Variants in GRIK2 observed in about 807,000 individuals in gnomAD.
GRIK2 encodes the protein glutamate ionotropic receptor kainate type subunit 2, also known as glutamate receptor ionotropic, kainate 2.
GRIK2 carries 32 observed loss-of-function variants against 100.3 expected under a neutral mutation model. The ratio of observed to expected loss-of-function variants is 0.32; its 90% CI spans 0.24 to 0.43. GRIK2 has a LOEUF of 0.43. Among genes scored for constraint, GRIK2 ranks in the 20% least tolerant of loss-of-function variants. The pLI, the probability that GRIK2 is intolerant of heterozygous loss-of-function variation, is 1.00. For synonymous variants in GRIK2, 417 were observed against 389.4 expected (o/e 1.07, Z -0.83); for missense variants, 843 against 1,114.9 (o/e 0.76, Z 3.47).
At chr6:101,429,787 A>G (rs565581202) in intron 2 of GRIK2, among the ~76,000 whole-genome samples, 1 of 152,294 alleles carries the variant, frequency 6.6e-6, no homozygotes, top group African/African-American at 2.4e-5. Flanking sequence ...TAGAAAGCCA[A>G]AATTTGTTGT....
intron 7 of GRIK2, among the ~76,000 whole-genome samples, chr6:101,775,901 A>G (rs1778719682): frequency 6.6e-6 from 1 of 151,972 alleles, no homozygotes; most frequent in Non-Finnish European, 1.5e-5. Flanking sequence ...TTGGCTCACT[A>G]AAAATTCATA....
chr6:101,960,039 T>G (rs1291120182), intron 14 of GRIK2, among the ~76,000 whole-genome samples: 1 of 135,038 alleles, frequency 7.4e-6, no homozygotes, highest in Non-Finnish European at 1.5e-5. Context: ...CTCAAAGCCT[T>G]TTTTTAGTGT....
intron 2 of GRIK2, among the ~76,000 whole-genome samples, chr6:101,431,928 G>C (rs1374855311): frequency 6.6e-6 from 1 of 152,122 alleles, no homozygotes; most frequent in African/African-American, 2.4e-5. Flanking sequence ...AACACTCCAT[G>C]AGATGTGTTC....
At chr6:101,538,706 G>A (rs1029120411) in intron 2 of GRIK2, among the ~76,000 whole-genome samples, 1 of 151,424 alleles carries the variant, frequency 6.6e-6, no homozygotes, top group African/African-American at 2.4e-5. Context: ...CTTCACTGGG[G>A]TTAGTACTGC....
intron 14 of GRIK2, among the ~76,000 whole-genome samples, chr6:101,937,428 G>A (rs1790684854): frequency 6.6e-6 from 1 of 152,252 alleles, no homozygotes; most frequent in Non-Finnish European, 1.5e-5. Context: ...CATGTCAAGT[G>A]CTGGATAATG....
chr6:102,000,673 T>C (rs547740044), intron 14 of GRIK2, among the ~76,000 whole-genome samples: 2 of 152,266 alleles, frequency 1.3e-5, no homozygotes, highest in South Asian at 4.1e-4. Context: ...GGTTTAATGT[T>C]TTTTACAATG....
At chr6:101,791,325 G>C (rs1327529992) in intron 7 of GRIK2, among the ~76,000 whole-genome samples, 2 of 152,098 alleles carry the variant, frequency 1.3e-5, no homozygotes, top group Admixed American at 6.5e-5. Context: ...GATCTTTCCT[G>C]CTTTCTCTTG....
chr6:101,939,992 T>C (rs1291590277), intron 14 of GRIK2, among the ~76,000 whole-genome samples: 1 of 152,094 alleles, frequency 6.6e-6, no homozygotes, highest in Non-Finnish European at 1.5e-5. Flanking sequence ...GTGATAGTTA[T>C]GATGAGAGTT....
chr6:101,807,739 G>A (rs1781094740), intron 9 of GRIK2, among the ~76,000 whole-genome samples: 1 of 151,928 alleles, frequency 6.6e-6, no homozygotes, highest in African/African-American at 2.4e-5. Context: ...GAAACTGGAA[G>A]TAATAGGATG....
chr6:101,502,728 A>G (rs1773824704), intron 2 of GRIK2, among the ~76,000 whole-genome samples: 1 of 152,196 alleles, frequency 6.6e-6, no homozygotes, highest in Non-Finnish European at 1.5e-5. Context: ...GTTCCAATTC[A>G]GTGTGCGAAT....
At chr6:101,920,197 G>A (rs908393341) in intron 12 of GRIK2, among the ~76,000 whole-genome samples, 6 of 151,910 alleles carry the variant, frequency 3.9e-5, no homozygotes, top group Admixed American at 3.3e-4. Context: ...GGTTACACAA[G>A]TAGTGGTTAA....
At chr6:101,566,299 G>T (rs1777274066) in intron 2 of GRIK2, among the ~76,000 whole-genome samples, 1 of 151,864 alleles carries the variant, frequency 6.6e-6, no homozygotes, top group South Asian at 2.1e-4. Flanking sequence ...TCTTAAGTTT[G>T]ATCTGTTGGC....
chr6:102,035,380 AT>A lies in GRIK2; in HGVS notation c.2126del (p.Met709ArgfsTer28). The stretch of plus-strand genomic sequence containing the variant: ...CACGTATGACAAAATGTGGGCCTTT[AT>A]GAGTAGCAGAAGGCAGTCAGTGCTG... ...ISTYDKMWAF[M>X]SSRRQSVLVK... is the part of the protein sequence containing the mutation. On this transcript the variant is annotated frameshift_variant, in exon 15 of 17. Transcript: ENST00000369134. LOFTEE classifies it high-confidence loss of function. 1 of 1,607,426 alleles carries A rather than the reference AT, an allele frequency of 6.2e-7. No homozygotes were observed. Among genetic ancestry groups the A allele is most frequent in the Non-Finnish European group, 8.5e-7 (1 of 1,175,136 alleles).
chr6:102,001,185 A>ATTTTTT (rs66913053), intron 14 of GRIK2, among the ~76,000 whole-genome samples: 1 of 142,650 alleles, frequency 7.0e-6, no homozygotes, highest in Non-Finnish European at 1.5e-5. Context: ...CTTCTTCTTT[A>ATTTTTT]TTTTTTTTTT....
chr6:101,981,580 G>C (rs1228898860), intron 14 of GRIK2, among the ~76,000 whole-genome samples: 1 of 151,730 alleles, frequency 6.6e-6, no homozygotes, highest in Admixed American at 6.6e-5. Context: ...GTGGTATTAG[G>C]AAAAAAGAAA....
intron 10 of GRIK2, among the ~76,000 whole-genome samples, chr6:101,843,059 T>C (rs1326648340): frequency 6.6e-6 from 1 of 152,226 alleles, no homozygotes; most frequent in Non-Finnish European, 1.5e-5. Context: ...ATTTTTCGAT[T>C]GGCTCCATCT....
chr6:101,510,522 T>G (rs866100464), intron 2 of GRIK2, among the ~76,000 whole-genome samples: 8,055 of 136,084 alleles, frequency 0.059, 381 homozygotes, highest in South Asian at 0.12. Flanking sequence ...TTTTTTTTTT[T>G]TTTTTTTTTT....
chr6:101,775,463 G>T (rs1778678386), intron 7 of GRIK2, among the ~76,000 whole-genome samples: 1 of 151,434 alleles, frequency 6.6e-6, no homozygotes. Context: ...CTTCCTTTCA[G>T]CCCTCATGGG....
chr6:102,044,048 A>G (rs1340144882), intron 15 of GRIK2, among the ~76,000 whole-genome samples: 1 of 152,030 alleles, frequency 6.6e-6, no homozygotes, highest in Non-Finnish European at 1.5e-5. Flanking sequence ...CAGCAGCATG[A>G]AAATGGGCTC....
Sources: gnomAD v4.1 joint callset for allele counts (sites outside exome capture counted in the v4.1 genomes callset) on GRCh38, gnomAD v4.1.1 for gene constraint, MANE v1.5 for transcripts, NCBI Gene and HGNC (gene_info 2026-07-23, HGNC 2026-07-21) for gene names.